The following LUZP2 variants were observed in gnomAD, a reference collection of about 807,000 sequenced individuals.
LUZP2 encodes leucine zipper protein 2.
LUZP2 carries 52 observed loss-of-function variants against 51.6 expected under a neutral mutation model. The observed-to-expected ratio is 1.01, with a 90% confidence interval of 0.81 to 1.27. The LOEUF (loss-of-function observed/expected upper bound fraction) is 1.27, where lower values mean the gene tolerates loss of function less well. LUZP2 is among the 50% of genes most tolerant of loss of function. The pLI is 0.00. For missense variants in LUZP2, 436 were observed against 395.4 expected (o/e 1.10, Z -0.87); for synonymous variants, 154 against 137.3 (o/e 1.12, Z -0.85).
At chr11:24,710,856 A>G (rs1046388426) in intron 1 of LUZP2, among the ~76,000 whole-genome samples, 1 of 151,898 alleles carries the variant, frequency 6.6e-6, no homozygotes, top group Admixed American at 6.6e-5. Context: ...ATATTCAAGC[A>G]TAGCTCAAAA....
chr11:24,526,472 A>G (rs1307384762), intron 1 of LUZP2, among the ~76,000 whole-genome samples: 1 of 141,224 alleles, frequency 7.1e-6, no homozygotes, highest in Non-Finnish European at 1.5e-5. Context: ...TTTTTTTTTT[A>G]TAATGCAGTG....
In LUZP2 at chr11:24,878,624, T is replaced by C. The variant is rs117007793; in HGVS notation, c.397-27367T>C. Among the ~76,000 whole-genome samples, 1,022 of 151,856 alleles carry C rather than the reference T, an allele frequency of 6.7e-3. 15 individuals carry two copies. The highest frequency in any genetic ancestry group is 0.057 in the East Asian group (295 of 5,174). ...AGAAGTTTTCTGTTATTATCCCTTT[T>C]AGTTTTTATTTTATTTTATTTTTAA... On this transcript the variant is annotated intron_variant, in intron 5 of 11. Transcript: ENST00000336930.
At chr11:24,745,841 C>T (rs1389769677) in intron 4 of LUZP2, among the ~76,000 whole-genome samples, 1 of 152,022 alleles carries the variant, frequency 6.6e-6, no homozygotes, top group Admixed American at 6.6e-5. Flanking sequence ...CCACACCCGG[C>T]TAATTTTTGT....
intron 5 of LUZP2, among the ~76,000 whole-genome samples, chr11:24,863,633 G>A (rs1851804536): frequency 1.3e-5 from 2 of 152,022 alleles, no homozygotes; most frequent in Admixed American, 1.3e-4. Flanking sequence ...AGTAAATAAT[G>A]ATGAAAATTA....
chr11:24,497,940 A>T (rs1849877416), intron 1 of LUZP2, among the ~76,000 whole-genome samples: 1 of 152,246 alleles, frequency 6.6e-6, no homozygotes, highest in Admixed American at 6.5e-5. Flanking sequence ...GCTGATGCAG[A>T]GACCCTAGTC....
chr11:24,725,151 A>G (rs987374958), intron 1 of LUZP2, among the ~76,000 whole-genome samples: 2 of 152,184 alleles, frequency 1.3e-5, no homozygotes, highest in Non-Finnish European at 2.9e-5. Context: ...ACATTTGCCA[A>G]TGAAACTGTC....
At chr11:24,824,071 G>T (rs1850443733) in intron 5 of LUZP2, among the ~76,000 whole-genome samples, 1 of 149,434 alleles carries the variant, frequency 6.7e-6, no homozygotes, top group Admixed American at 6.6e-5. Context: ...TAAAAAAAAA[G>T]AGTGGTACCT....
intron 9 of LUZP2, among the ~76,000 whole-genome samples, chr11:25,025,271 G>A (rs1294499932): frequency 2.6e-5 from 4 of 152,012 alleles, no homozygotes; most frequent in East Asian, 3.9e-4. Flanking sequence ...AAAAGCTATG[G>A]CAACAAAAGC....
At chr11:24,625,093 A>G (rs1854632183) in intron 1 of LUZP2, among the ~76,000 whole-genome samples, 1 of 152,158 alleles carries the variant, frequency 6.6e-6, no homozygotes, top group South Asian at 2.1e-4. Flanking sequence ...ATGCAGAAAG[A>G]CAAATACTGC....
At chr11:24,723,114 C>T (rs901582228) in intron 1 of LUZP2, among the ~76,000 whole-genome samples, 1 of 151,896 alleles carries the variant, frequency 6.6e-6, no homozygotes, top group Non-Finnish European at 1.5e-5. Flanking sequence ...TAAAAATCAC[C>T]TTTAGTAACA....
At chr11:24,699,654 C>CATATATAT (rs145387003) in intron 1 of LUZP2, among the ~76,000 whole-genome samples, 1 of 148,688 alleles carries the variant, frequency 6.7e-6, no homozygotes, top group Admixed American at 6.8e-5. Flanking sequence ...TAGCCTTGGC[C>CATATATAT]ATATATATAT....
At chr11:24,536,038 A>C (rs1851167286) in intron 1 of LUZP2, among the ~76,000 whole-genome samples, 2 of 151,902 alleles carry the variant, frequency 1.3e-5, no homozygotes, top group South Asian at 4.1e-4. Context: ...TTGGGTGACC[A>C]GGCAGTAATA....
intron 1 of LUZP2, among the ~76,000 whole-genome samples, chr11:24,581,366 A>G (rs542756934): frequency 3.3e-5 from 5 of 152,216 alleles, no homozygotes; most frequent in African/African-American, 9.6e-5. Flanking sequence ...TCTAACATCA[A>G]TGGGAATATG....
chr11:24,690,260 G>T (rs1857025524), intron 1 of LUZP2, among the ~76,000 whole-genome samples: 1 of 151,960 alleles, frequency 6.6e-6, no homozygotes, highest in Admixed American at 6.6e-5. Context: ...CTTTTCCAAG[G>T]CCTTGCTACA....
At chr11:24,710,768 T>G (rs576773330) in intron 1 of LUZP2, among the ~76,000 whole-genome samples, 50 of 152,218 alleles carry the variant, frequency 3.3e-4, no homozygotes, top group African/African-American at 1.2e-3. Flanking sequence ...ACATTTTTTT[T>G]GCAATTATGT....
intron 1 of LUZP2, among the ~76,000 whole-genome samples, chr11:24,512,881 C>G (rs977456593): frequency 1.3e-5 from 2 of 152,006 alleles, no homozygotes; most frequent in African/African-American, 4.8e-5. Context: ...CCCCGAGTAG[C>G]TGGGACTGCA....
intron 1 of LUZP2, among the ~76,000 whole-genome samples, chr11:24,574,211 CCTTTCTTTCTTTCTTTCTTTCTTTCTT>C (rs1852539407): frequency 1.7e-4 from 1 of 6,056 alleles, no homozygotes; most frequent in Non-Finnish European, 2.2e-3. Context: ...TTTCTTCCTT[CCTTTCTTTCTTTCTTTCTTTCTTTCTT>C]TCTTTCTTTC....
intron 1 of LUZP2, among the ~76,000 whole-genome samples, chr11:24,652,663 T>A (rs1006051881): frequency 5.3e-5 from 8 of 152,080 alleles, no homozygotes; most frequent in Non-Finnish European, 1.2e-4. Flanking sequence ...ACTAAGAGAT[T>A]TATAATAATC....
At chr11:24,870,815 A>G (rs1013476200) in intron 5 of LUZP2, among the ~76,000 whole-genome samples, 6 of 152,088 alleles carry the variant, frequency 3.9e-5, no homozygotes, top group African/African-American at 1.4e-4. Context: ...CATCCTGATC[A>G]TTTCGTTGTA....
Sources: allele counts gnomAD v4.1 joint callset (sites outside exome capture counted in the v4.1 genomes callset), GRCh38; gene constraint gnomAD v4.1.1; transcripts MANE v1.5; gene names NCBI Gene and HGNC (gene_info 2026-07-23, HGNC 2026-07-21).